MAN2A2: variants seen among roughly 807,000 people sequenced by gnomAD.
MAN2A2 encodes the protein mannosidase alpha class 2A member 2.
In MAN2A2, 79 loss-of-function variants were observed where a neutral mutation model predicts 126.8. The observed-to-expected ratio is 0.62, with a 90% CI of 0.52 to 0.75. The LOEUF (loss-of-function observed/expected upper bound fraction) is 0.75. Among genes scored for constraint, MAN2A2 ranks in the 30% least tolerant of loss-of-function variants. MAN2A2 has a pLI of 0.00. For missense variants in MAN2A2, 1,392 were observed against 1,522.4 expected (o/e 0.91, Z 1.43); for synonymous variants, 671 against 618.7 (o/e 1.08, Z -1.25).
rs2035464488 is a variant in MAN2A2, at chr15:90,919,826, A to G, written c.*39A>G. 1.2e-6 allele frequency: 2 copies of G among 1,610,168 alleles called. No homozygotes were observed. The highest frequency in any genetic ancestry group is 1.7e-5 in the Admixed American group (1 of 59,882). ...CTGAAGAGAAAGTTCATTCACAGAG[A>G]CTGCCTCTTAACATGAAGATCATTG... On this transcript the variant is annotated 3_prime_UTR_variant, in exon 23 of 23. Coordinates refer to ENST00000559717, the MANE Select transcript of MAN2A2 (RefSeq NM_006122.4).
intron 14 of MAN2A2, 50 bp downstream of exon 14, chr15:90,911,600 C>T (rs1328974650): frequency 6.5e-7 from 1 of 1,546,154 alleles, no homozygotes; most frequent in South Asian, 1.2e-5. Flanking sequence ...CGTCGTGGGC[C>T]CCTCCCCGCC....
In MAN2A2 at chr15:90,910,855, G is replaced by A. The variant is rs372312316; in HGVS notation, c.1769G>A (p.Arg590His). The A allele has an allele frequency of 6.7e-5, 108 of 1,613,716 alleles. No individual in the cohort carries two copies. Among genetic ancestry groups the A allele is most frequent in the African/African-American group, 1.1e-4 (8 of 74,882 alleles). The change falls in exon 12 of 23, where the codon CGC (arginine) becomes CAC (histidine). Residue 590 changes from arginine (R) to histidine (H), a missense_variant. Physicochemically the swap from Arg to His is conservative, Grantham distance 29 (BLOSUM62 0). Coordinates refer to ENST00000559717, the MANE Select transcript of MAN2A2 (RefSeq NM_006122.4). ...VVVDYGVRLL[R>H]SLVNLKQVII... ...TCCTGCGCCACCCACAGGCTTCTGC[G>A]CTCCCTTGTCAACCTGAAGCAGGTC... is the stretch of plus-strand genomic sequence containing the variant.
At position 90,910,343 on chromosome 15, in the gene MAN2A2, G is replaced by A. The variant is rs1338097015; in HGVS notation, c.1577+51G>A. ...CTGGAGGGGGAGAGTCAGCCTTTGG[G>A]GTTTAAGGAGGGGCTGGATTGGCTC... On this transcript the variant is annotated intron_variant, in intron 10 of 22. Coordinates refer to ENST00000559717, the MANE Select transcript of MAN2A2 (RefSeq NM_006122.4). 3 of 1,604,008 alleles carry A rather than the reference G, an allele frequency of 1.9e-6. No homozygotes were observed. The African/African-American group carries it at 4.0e-5, about 21-fold the overall frequency.
intron 6 of MAN2A2, 57 bp from the exon 7 acceptor site, chr15:90,906,683 G>T: frequency 6.3e-7 from 1 of 1,587,140 alleles, no homozygotes; most frequent in South Asian, 1.1e-5. Context: ...CTGGAAGGCC[G>T]GGGGGCCAGC....
At chr15:90,910,022 C>T in intron 9 of MAN2A2, 68 bp from the exon 10 acceptor site, 13 of 1,436,932 alleles carry the variant, frequency 9.0e-6, no homozygotes, top group Non-Finnish European at 1.2e-5. Context: ...CCCCCAACTG[C>T]AGCACTGTGG....
At position 90,911,618 on chromosome 15, in the gene MAN2A2, G is replaced by A. The variant is rs375639554; in HGVS notation, c.2109+68G>A. 11 of 1,488,990 alleles carry A rather than the reference G, an allele frequency of 7.4e-6. No individual in the cohort carries two copies. In the East Asian group the frequency reaches 1.7e-4, roughly 23 times the overall value. 92.2% of individuals were successfully genotyped at this position (1,488,990 alleles called of 1,614,324 possible). ...CGTGGGCCCCTCCCCGCCCGGCGAC[G>A]CCAGCCTCCCACCCTCCTGCTTGTG... On this transcript the variant is annotated intron_variant, in intron 14 of 22. Transcript: ENST00000559717.
intron 16 of MAN2A2, 101 bp from the exon 17 acceptor site, chr15:90,912,776 G>A: frequency 3.8e-6 from 6 of 1,564,630 alleles, no homozygotes; most frequent in Non-Finnish European, 5.2e-6. Context: ...TTCAGCCCAG[G>A]GGTGTCTGGG....
Position 90,905,376 on chromosome 15 carries a change from C to T in MAN2A2, c.258C>T (p.Pro86=), listed in dbSNP as rs764959562. Residue 86 remains proline, a synonymous_variant, in exon 3 of 23, where the codon CCC becomes CCT. Coordinates refer to ENST00000559717, the MANE Select transcript of MAN2A2 (RefSeq NM_006122.4). ...TGACAGCCAACGCAGAGGGCCCGCC[C>T]GCCATGCTGCCCTACTACACGGTCA... is the stretch of plus-strand genomic sequence containing the variant. The part of the protein sequence containing the change: ...LELTANAEGP[P]AMLPYYTVNG... The T allele has an allele frequency of 3.4e-5, 55 of 1,613,850 alleles. No individual in the cohort carries two copies. The highest frequency in any genetic ancestry group is 4.4e-5 in the Non-Finnish European group (52 of 1,180,048).
At chr15:90,907,203 A>G in intron 7 of MAN2A2, 106 bp from the exon 8 acceptor site, 2 of 1,154,990 alleles carry the variant, frequency 1.7e-6, no homozygotes, top group Non-Finnish European at 2.5e-6. Flanking sequence ...AGGTCCAGTT[A>G]CAGCCTCGCG....
intron 22 of MAN2A2, among the ~76,000 whole-genome samples, 178 bp downstream of exon 22, chr15:90,918,933 G>A (rs2035394733): frequency 1.3e-5 from 2 of 152,204 alleles, no homozygotes; most frequent in Non-Finnish European, 2.9e-5. Flanking sequence ...GGGAGTTCCA[G>A]ACAAGGTAGA....
chr15:90,905,513 G>A lies in MAN2A2; in HGVS notation c.390+5G>A. 1.9e-6 allele frequency: 3 copies of A among 1,614,138 alleles called. No homozygotes were observed. The highest frequency in any genetic ancestry group is 2.5e-6 in the Non-Finnish European group (3 of 1,180,040). On this transcript the variant is annotated splice_donor_5th_base_variant and intron_variant, in intron 3 of 22. Coordinates refer to ENST00000559717, the MANE Select transcript of MAN2A2 (RefSeq NM_006122.4). ...GGTCAGAAGCCAGAGCTGCAGGTAA[G>A]AGTCAGAGCTGGCAGGGACGTACAG...
intron 7 of MAN2A2, 49 bp from the exon 8 acceptor site, chr15:90,907,260 C>CAA: frequency 6.4e-7 from 1 of 1,563,818 alleles, no homozygotes. Flanking sequence ...GCCCCCCTGG[C>CAA]GTCCAGAGGC....
intron 18 of MAN2A2, 32 bp from the exon 19 acceptor site, chr15:90,913,582 G>C: frequency 1.3e-6 from 2 of 1,595,890 alleles, no homozygotes; most frequent in Non-Finnish European, 1.7e-6. Flanking sequence ...TGGTGCCCGG[G>C]TGCCCTTGAT....
rs1165630052 is a variant in MAN2A2 at position 90,907,476 on chromosome 15, G to C, written c.1177G>C (p.Glu393Gln). The C allele has an allele frequency of 6.2e-7, 1 of 1,612,544 alleles. No homozygotes were observed. Among genetic ancestry groups the C allele is most frequent in the Non-Finnish European group, 8.5e-7 (1 of 1,179,964 alleles). ...PWKVPPRAITEANVAERAALL... is the reference protein window; with the variant it reads ...PWKVPPRAITQANVAERAALL... The stretch of plus-strand genomic sequence containing the variant: ...GAAGGTGCCACCCCGGGCCATCACA[G>C]AGGCCAACGTGGCAGAGAGGTATCT... Residue 393 changes from glutamate to glutamine, a missense_variant, in exon 8 of 23, where the codon GAG becomes CAG. Glu to Gln is a conservative substitution (Grantham distance 29). Coordinates refer to ENST00000559717, the MANE Select transcript of MAN2A2 (RefSeq NM_006122.4).
Position 90,913,619 on chromosome 15 carries a change from GC to G in MAN2A2, c.2728del (p.Arg910AspfsTer4). ...FTDLNGFQVQ[P>X]RRYLKKLPLQ... is the part of the protein sequence containing the mutation. ...TGCTGGCCTTGCCCCCACAGGTGCA[GC>G]CCCGACGGTATCTGAAGAAGCTCCC... is the stretch of plus-strand genomic sequence containing the variant. On this transcript the variant is annotated frameshift_variant, in exon 19 of 23. Transcript: ENST00000559717. LOFTEE classifies it high-confidence loss of function. 6.2e-7 allele frequency: 1 copy of G among 1,611,502 alleles called. No homozygotes were observed. The highest frequency in any genetic ancestry group is 8.5e-7 in the Non-Finnish European group (1 of 1,179,074).
At chr15:90,912,767 T>G (rs2034858317) in intron 16 of MAN2A2, 103 bp downstream of exon 16, 1 of 1,579,618 alleles carries the variant, frequency 6.3e-7, no homozygotes, top group Admixed American at 1.7e-5. Context: ...TCTTTCCTGT[T>G]CAGCCCAGGG....
rs1267269199 is a variant in MAN2A2, at chr15:90,910,489, C to T, written c.1578-12C>T. On this transcript the variant is annotated splice_polypyrimidine_tract_variant and intron_variant, in intron 10 of 22. Transcript: ENST00000559717. The stretch of plus-strand genomic sequence containing the variant: ...TGGTGCAGGCTGGCAGCTAACTTCT[C>T]TCTCTGGGCAGGGGGGCAGAGGTTC... 3 of 1,613,322 alleles carry T rather than the reference C, an allele frequency of 1.9e-6. No homozygotes were observed. Among genetic ancestry groups the T allele is most frequent in the Non-Finnish European group, 2.5e-6 (3 of 1,179,776 alleles).
At position 90,906,502 on chromosome 15, in the gene MAN2A2, G is replaced by A; in HGVS notation, c.835+5G>A. On this transcript the variant is annotated splice_donor_5th_base_variant and intron_variant, in intron 6 of 22. Transcript: ENST00000559717. ...AGTGGCTGGAGAGAAATCTTGGTAA[G>A]TCCAGGCCCAGGCATGGGGGTCTGC... is the stretch of plus-strand genomic sequence containing the variant. 1 of 1,614,170 alleles carries A rather than the reference G, an allele frequency of 6.2e-7. No homozygotes were observed. The highest frequency in any genetic ancestry group is 8.5e-7 in the Non-Finnish European group (1 of 1,179,992).
At position 90,913,594 on chromosome 15, in the gene MAN2A2, T is replaced by G. The variant is rs1488737536; in HGVS notation, c.2719-20T>G. ...ACATGGTGCCCGGGTGCCCTTGATC[T>G]GCTGGCCTTGCCCCCACAGGTGCAG... On this transcript the variant is annotated intron_variant, in intron 18 of 22. Coordinates refer to ENST00000559717, the MANE Select transcript of MAN2A2 (RefSeq NM_006122.4). 13 of 1,603,268 alleles carry G rather than the reference T, an allele frequency of 8.1e-6. No homozygotes were observed. Among genetic ancestry groups the G allele is most frequent in the Non-Finnish European group, 1.0e-5 (12 of 1,175,524 alleles).
Sources: gnomAD v4.1 joint callset for allele counts (sites outside exome capture counted in the v4.1 genomes callset) on GRCh38, gnomAD v4.1.1 for gene constraint, MANE v1.5 for transcripts, NCBI Gene and HGNC (gene_info 2026-07-23, HGNC 2026-07-21) for gene names.